COL22A1: variants seen among roughly 807,000 people sequenced by gnomAD.
The protein encoded by COL22A1 is collagen alpha-1(XXII) chain.
COL22A1 carries 221 observed loss-of-function variants against 248.9 expected under a neutral mutation model. The ratio of observed to expected loss-of-function variants is 0.89; its 90% CI spans 0.80 to 0.99. COL22A1 has a LOEUF of 0.99. Among genes scored for constraint, COL22A1 ranks in the 50% least tolerant of loss-of-function variants. COL22A1 has a pLI of 0.00. For synonymous variants in COL22A1, 891 were observed against 793.4 expected (o/e 1.12, Z -2.07); for missense variants, 2,240 against 2,179.0 (o/e 1.03, Z -0.56).
At chr8:138,683,898 AATGGTAAGT>A (rs1265850544) in intron 39 of COL22A1, among the ~76,000 whole-genome samples, 1 of 152,170 alleles carries the variant, frequency 6.6e-6, no homozygotes, top group Admixed American at 6.5e-5. Flanking sequence ...CACTTCATTT[AATGGTAAGT>A]ATTTATTAAG....
intron 3 of COL22A1, among the ~76,000 whole-genome samples, chr8:138,855,705 A>G (rs1263965423): frequency 3.3e-5 from 5 of 152,350 alleles, no homozygotes; most frequent in African/African-American, 1.2e-4. Context: ...GTGCCCGGAA[A>G]GGATTTTATG....
At chr8:138,850,299 T>C (rs930196562) in intron 3 of COL22A1, among the ~76,000 whole-genome samples, 13 of 152,324 alleles carry the variant, frequency 8.5e-5, no homozygotes, top group Admixed American at 6.5e-5. Context: ...GAGGGCATGG[T>C]CAGAGTGCCA....
In COL22A1 at chr8:138,591,459, C is replaced by A; in HGVS notation, c.4658G>T (p.Gly1553Val). The A allele has an allele frequency of 6.3e-7, 1 of 1,580,428 alleles. No individual in the cohort carries two copies. Among genetic ancestry groups the A allele is most frequent in the Non-Finnish European group, 8.6e-7 (1 of 1,163,040 alleles). Residue 1553 changes from glycine (G) to valine (V), a missense_variant, in exon 64 of 65, where the codon GGC (glycine) becomes GTC (valine). Gly to Val is a moderately radical substitution (Grantham distance 109). Coordinates refer to ENST00000303045, the MANE Select transcript of COL22A1 (RefSeq NM_152888.3). ...AGGGGGTCCCATCTCGCCTCGGAGGCCAACTCCAGGTGCACCTGGGTCACC... is the reference window on the plus strand; with the variant it reads ...AGGGGGTCCCATCTCGCCTCGGAGGACAACTCCAGGTGCACCTGGGTCACC... ...AKGDPGAPGV[G>V]LRGEMGPPGI...
chr8:138,657,844 G>A (rs945086767), intron 44 of COL22A1, among the ~76,000 whole-genome samples: 6 of 152,210 alleles, frequency 3.9e-5, no homozygotes, highest in African/African-American at 1.4e-4. Context: ...TGATGGCAGG[G>A]TGAAAAGAGC....
intron 30 of COL22A1, among the ~76,000 whole-genome samples, chr8:138,713,070 C>G (rs1829133456): frequency 6.6e-6 from 1 of 152,166 alleles, no homozygotes; most frequent in Non-Finnish European, 1.5e-5. Context: ...TATTTTAGAG[C>G]CCAACTGTCT....
intron 12 of COL22A1, among the ~76,000 whole-genome samples, chr8:138,781,744 C>T (rs1279856717): frequency 1.3e-5 from 2 of 152,148 alleles, no homozygotes; most frequent in Non-Finnish European, 2.9e-5. Context: ...CCAGCTCCAA[C>T]ACCACTTGGT....
In COL22A1 at chr8:138,716,218, C is replaced by T; in HGVS notation, c.2463+9G>A. The T allele has an allele frequency of 6.3e-7, 1 of 1,576,216 alleles. No homozygotes were observed. Among genetic ancestry groups the T allele is most frequent in the Non-Finnish European group, 8.6e-7 (1 of 1,158,410 alleles). The stretch of plus-strand genomic sequence containing the variant: ...TCCTGTGTGGGAGGAAGGAAGCTGC[C>T]ACACTTACCTGGTCTCCTTTCTCTC... On this transcript the variant is annotated intron_variant, in intron 29 of 64. Transcript: ENST00000303045.
chr8:138,737,712 G>C, intron 22 of COL22A1, 135 bp from the exon 23 acceptor site: 1 of 628,384 alleles, frequency 1.6e-6, no homozygotes, highest in South Asian at 1.9e-5. Flanking sequence ...CCTCAGGAGT[G>C]CCCCACAGAG....
At chr8:138,885,868 C>T (rs1461337197) in intron 1 of COL22A1, among the ~76,000 whole-genome samples, 1 of 152,236 alleles carries the variant, frequency 6.6e-6, no homozygotes, top group East Asian at 1.9e-4. Context: ...CAGCCTCACA[C>T]AGCTTTTAGC....
At chr8:138,651,890 A>C (rs1822768144) in intron 45 of COL22A1, among the ~76,000 whole-genome samples, 1 of 152,178 alleles carries the variant, frequency 6.6e-6, no homozygotes, top group African/African-American at 2.4e-5. Context: ...TAATACAAAA[A>C]TCTTATGACT....
intron 30 of COL22A1, among the ~76,000 whole-genome samples, chr8:138,710,214 C>T (rs1828838684): frequency 6.6e-6 from 1 of 152,162 alleles, no homozygotes; most frequent in African/African-American, 2.4e-5. Context: ...TACATTTGGC[C>T]TGAGGAAAGG....
At chr8:138,647,849 A>G (rs1462735719) in intron 46 of COL22A1, among the ~76,000 whole-genome samples, 2 of 152,146 alleles carry the variant, frequency 1.3e-5, no homozygotes, top group Admixed American at 1.3e-4. Flanking sequence ...AAGGTCTGGA[A>G]AAGACTGATC....
At chr8:138,912,930 TG>T (rs1273249676) in intron 1 of COL22A1, among the ~76,000 whole-genome samples, 1 of 152,100 alleles carries the variant, frequency 6.6e-6, no homozygotes, top group African/African-American at 2.4e-5. Flanking sequence ...TGGGGAGAAG[TG>T]AGGACTCATT....
intron 10 of COL22A1, among the ~76,000 whole-genome samples, chr8:138,803,452 C>A (rs1240530036): frequency 6.6e-6 from 1 of 152,070 alleles, no homozygotes; most frequent in Admixed American, 6.5e-5. Context: ...CGAGATCGGG[C>A]ATGGCACATG....
intron 3 of COL22A1, among the ~76,000 whole-genome samples, chr8:138,875,646 A>C (rs1163973399): frequency 6.6e-6 from 1 of 152,074 alleles, no homozygotes; most frequent in Non-Finnish European, 1.5e-5. Context: ...CACCTGGATC[A>C]ATCCCATAGC....
chr8:138,674,612 G>C (rs1825354193), intron 41 of COL22A1, among the ~76,000 whole-genome samples: 1 of 152,152 alleles, frequency 6.6e-6, no homozygotes, highest in South Asian at 2.1e-4. Flanking sequence ...GGTGATTTTT[G>C]CTGGCTCTTC....
In COL22A1 at chr8:138,608,107, G is replaced by C. The variant is rs969977628; in HGVS notation, c.3979-118C>G. On this transcript the variant is annotated intron_variant, in intron 56 of 64. Coordinates refer to ENST00000303045, the MANE Select transcript of COL22A1 (RefSeq NM_152888.3). ...TACACAGAATCTGTTACTCTAGCCA[G>C]TGTGGCTCTCAGTCTACCACTTCAT... 1.5e-5 allele frequency: 12 copies of C among 786,748 alleles called. No homozygotes were observed. The African/African-American group carries it at 1.6e-4, about 10-fold the overall frequency. 48.7% of individuals were successfully genotyped at this position (786,748 alleles called of 1,614,324 possible).
intron 51 of COL22A1, among the ~76,000 whole-genome samples, chr8:138,624,476 G>T (rs947800707): frequency 1.3e-5 from 2 of 152,114 alleles, no homozygotes; most frequent in Non-Finnish European, 2.9e-5. Context: ...AAAGAAAGGA[G>T]GAGGGAGGAA....
At chr8:138,798,155 T>A (rs1382655232) in intron 11 of COL22A1, among the ~76,000 whole-genome samples, 1 of 151,352 alleles carries the variant, frequency 6.6e-6, no homozygotes, top group Non-Finnish European at 1.5e-5. Context: ...TACAAATAGG[T>A]TGTATCTTTG....
Sources: allele counts gnomAD v4.1 joint callset (sites outside exome capture counted in the v4.1 genomes callset), GRCh38; gene constraint gnomAD v4.1.1; transcripts MANE v1.5; gene names NCBI Gene and HGNC (gene_info 2026-07-23, HGNC 2026-07-21).